CTNND2: variants seen among roughly 807,000 people sequenced by gnomAD.
CTNND2 encodes catenin delta-2.
CTNND2 carries 22 observed loss-of-function variants against 144.4 expected under a neutral mutation model. The ratio of observed to expected loss-of-function variants is 0.15; its 90% CI spans 0.11 to 0.22. The LOEUF is 0.22. Ranked by LOEUF, CTNND2 falls within the 10% of genes least tolerant of loss-of-function variation. The pLI is 1.00. For synonymous variants in CTNND2, 751 were observed against 695.6 expected (o/e 1.08, Z -1.25); for missense variants, 1,353 against 1,618.8 (o/e 0.84, Z 2.82).
intron 1 of CTNND2, among the ~76,000 whole-genome samples, chr5:11,779,960 T>G (rs1395602256): frequency 6.6e-6 from 1 of 152,158 alleles, no homozygotes; most frequent in Non-Finnish European, 1.5e-5. Context: ...TTCTCTCTTT[T>G]ATCCCACTAG....
chr5:11,650,445 T>C (rs1782591464), intron 2 of CTNND2, among the ~76,000 whole-genome samples: 1 of 152,134 alleles, frequency 6.6e-6, no homozygotes, highest in Non-Finnish European at 1.5e-5. Flanking sequence ...TACTGAGAAG[T>C]GGGGCATTGC....
chr5:11,083,111 T>C (rs532205250), intron 15 of CTNND2, among the ~76,000 whole-genome samples: 44 of 152,314 alleles, frequency 2.9e-4, no homozygotes, highest in African/African-American at 9.9e-4. Flanking sequence ...GTACTTGAAG[T>C]TGAAAGCCAT....
intron 2 of CTNND2, among the ~76,000 whole-genome samples, chr5:11,725,630 A>G (rs1213031176): frequency 6.6e-6 from 1 of 152,198 alleles, no homozygotes; most frequent in East Asian, 1.9e-4. Context: ...AATTTGAAGT[A>G]AAACATAAAG....
chr5:10,978,223 C>A (rs1428380658), intron 21 of CTNND2, among the ~76,000 whole-genome samples: 2 of 152,162 alleles, frequency 1.3e-5, no homozygotes, highest in African/African-American at 2.4e-5. Flanking sequence ...TGAAAGCATT[C>A]CACCTAGAAT....
chr5:11,209,936 A>C (rs1232237898), intron 10 of CTNND2, among the ~76,000 whole-genome samples: 1 of 152,096 alleles, frequency 6.6e-6, no homozygotes, highest in East Asian at 1.9e-4. Context: ...ACAACAACAA[A>C]AAAAGTGTAA....
rs1329294204 is a variant in CTNND2 at position 11,443,219 on chromosome 5, G to A, written c.288-31150C>T. Among the ~76,000 whole-genome samples the A allele has an allele frequency of 3.9e-4, 47 of 119,516 alleles. No homozygotes were observed. The South Asian group carries it at 1.0e-2, about 25-fold the overall frequency. 78.4% of individuals were successfully genotyped at this position (119,516 alleles called of 152,430 possible). On this transcript the variant is annotated intron_variant, in intron 3 of 21. Transcript: ENST00000304623. The stretch of plus-strand genomic sequence containing the variant: ...TGTGTGTGGTGTGTATGTGTGTGTG[G>A]TGTGTATGTGTGTGTGATGTGTGTG...
intron 2 of CTNND2, among the ~76,000 whole-genome samples, chr5:11,697,853 C>T (rs922595310): frequency 2.6e-5 from 4 of 152,040 alleles, no homozygotes; most frequent in Non-Finnish European, 4.4e-5. Flanking sequence ...GCCTAAAGGA[C>T]GGGAAGGCAT....
At chr5:11,628,774 C>CAA (rs879808880) in intron 2 of CTNND2, among the ~76,000 whole-genome samples, 6 of 140,276 alleles carry the variant, frequency 4.3e-5, no homozygotes, top group African/African-American at 1.0e-4. Flanking sequence ...GGAAAGTGTC[C>CAA]AAAAAAAAAA....
intron 17 of CTNND2, among the ~76,000 whole-genome samples, 185 bp from the exon 18 acceptor site, chr5:11,018,243 A>G (rs1741835917): frequency 6.6e-6 from 1 of 152,138 alleles, no homozygotes; most frequent in Non-Finnish European, 1.5e-5. Flanking sequence ...CACCTAAGAC[A>G]GCAACCGTAA....
At chr5:11,497,047 A>C (rs898476791) in intron 3 of CTNND2, among the ~76,000 whole-genome samples, 3 of 152,138 alleles carry the variant, frequency 2.0e-5, no homozygotes, top group Non-Finnish European at 1.5e-5. Flanking sequence ...TAGTAAACAG[A>C]AGCTCAGAAA....
chr5:11,155,696 G>A lies in CTNND2; in HGVS notation c.2159+3880C>T, dbSNP rs1475274621. ...GCTGCCATCATCCTTATCAACTCAG[G>A]CCTCCAACAAAATTTAAGGCTTTTT... is the stretch of plus-strand genomic sequence containing the variant. On this transcript the variant is annotated intron_variant, in intron 12 of 21. Coordinates refer to ENST00000304623, the MANE Select transcript of CTNND2 (RefSeq NM_001332.4). Among the ~76,000 whole-genome samples, 3 of 151,952 alleles carry A rather than the reference G, an allele frequency of 2.0e-5. No individual in the cohort carries two copies. The East Asian group carries it at 5.8e-4, about 29-fold the overall frequency.
intron 3 of CTNND2, among the ~76,000 whole-genome samples, chr5:11,519,560 G>A (rs1772527518): frequency 6.6e-6 from 1 of 150,562 alleles, no homozygotes; most frequent in African/African-American, 2.4e-5. Context: ...TTCAGGCCTA[G>A]ACGATTGGCG....
chr5:11,296,857 T>G (rs1469872800), intron 9 of CTNND2, among the ~76,000 whole-genome samples: 2 of 152,042 alleles, frequency 1.3e-5, no homozygotes, highest in African/African-American at 4.8e-5. Context: ...TGGGGAGGGA[T>G]AGCATTAGGA....
chr5:11,752,561 T>G (rs553775487), intron 1 of CTNND2, among the ~76,000 whole-genome samples: 1 of 151,114 alleles, frequency 6.6e-6, no homozygotes, highest in Admixed American at 6.6e-5. Context: ...TTTTTCTTTT[T>G]CCACTAACAT....
At chr5:11,094,830 A>G (rs1016704389) in intron 15 of CTNND2, among the ~76,000 whole-genome samples, 1 of 152,186 alleles carries the variant, frequency 6.6e-6, no homozygotes, top group Non-Finnish European at 1.5e-5. Context: ...GTCATTGTTA[A>G]GCTTTGTCTA....
At chr5:11,031,187 A>T (rs550797039) in intron 16 of CTNND2, among the ~76,000 whole-genome samples, 1 of 152,324 alleles carries the variant, frequency 6.6e-6, no homozygotes, top group East Asian at 1.9e-4. Context: ...CTTCAGCCAA[A>T]GATAGAGGGG....
intron 16 of CTNND2, among the ~76,000 whole-genome samples, chr5:11,038,574 G>A (rs930656262): frequency 1.3e-5 from 2 of 152,142 alleles, no homozygotes; most frequent in African/African-American, 4.8e-5. Flanking sequence ...GTATGGCCAG[G>A]AGCACTGAAA....
At chr5:11,190,110 GTAGACCAAATACT>G (rs1308896330) in intron 11 of CTNND2, among the ~76,000 whole-genome samples, 1 of 152,204 alleles carries the variant, frequency 6.6e-6, no homozygotes, top group Non-Finnish European at 1.5e-5. Context: ...CCATCAAAAG[GTAGACCAAATACT>G]TATCTCCTCT....
chr5:11,201,674 CAG>C (rs944098998), intron 10 of CTNND2, among the ~76,000 whole-genome samples: 1 of 152,094 alleles, frequency 6.6e-6, no homozygotes, highest in African/African-American at 2.4e-5. Flanking sequence ...GGGAACATGA[CAG>C]GGAAGGAAGA....
Sources: gnomAD v4.1 joint callset for allele counts (sites outside exome capture counted in the v4.1 genomes callset) on GRCh38, gnomAD v4.1.1 for gene constraint, MANE v1.5 for transcripts, NCBI Gene and HGNC (gene_info 2026-07-23, HGNC 2026-07-21) for gene names.